Variants in DYTN observed in about 807,000 individuals in gnomAD.
DYTN encodes the protein dystrotelin.
DYTN carries 75 observed loss-of-function variants against 69.6 expected under a neutral mutation model. The ratio of observed to expected loss-of-function variants is 1.08; its 90% confidence interval spans 0.89 to 1.31. The LOEUF (loss-of-function observed/expected upper bound fraction) is 1.31. Ranked by LOEUF, DYTN falls within the 50% of genes most tolerant of loss-of-function variation. The probability of loss-of-function intolerance (pLI) is 0.00; values close to 1 mark genes in which losing one functional copy is unlikely to be tolerated. For missense variants in DYTN, 726 were observed against 688.4 expected (o/e 1.05, Z -0.61); for synonymous variants, 252 against 249.1 (o/e 1.01, Z -0.11).
At chr2:206,657,753 T>A (rs1269777212) in intron 11 of DYTN, among the ~76,000 whole-genome samples, 2 of 152,218 alleles carry the variant, frequency 1.3e-5, no homozygotes, top group African/African-American at 2.4e-5. Context: ...TCTTTCTACA[T>A]GATAAGTCAC....
chr2:206,666,674 T>C (rs992001044), intron 9 of DYTN, among the ~76,000 whole-genome samples: 1 of 152,058 alleles, frequency 6.6e-6, no homozygotes, highest in African/African-American at 2.4e-5. Context: ...GCTTCTCTTT[T>C]TGTCTAGTTG....
intron 7 of DYTN, 56 bp downstream of exon 7, chr2:206,699,671 C>G (rs1699955336): frequency 6.5e-7 from 1 of 1,537,936 alleles, no homozygotes; most frequent in African/African-American, 1.4e-5. Flanking sequence ...GATGCAGCTC[C>G]AACTGTAGAA....
chr2:206,683,015 G>A (rs1699767049), intron 9 of DYTN, among the ~76,000 whole-genome samples: 2 of 151,774 alleles, frequency 1.3e-5, no homozygotes, highest in African/African-American at 2.4e-5. Context: ...TCACATAATT[G>A]GCTAAAAGAT....
chr2:206,672,242 A>G (rs1381238005), intron 9 of DYTN, among the ~76,000 whole-genome samples: 1 of 146,602 alleles, frequency 6.8e-6, no homozygotes, highest in Non-Finnish European at 1.5e-5. Flanking sequence ...TGCATTTTTT[A>G]ATAAAAATAT....
chr2:206,655,247 AT>A (rs56068317), intron 11 of DYTN, among the ~76,000 whole-genome samples: 42,192 of 140,612 alleles, frequency 0.3, 5,777 homozygotes, highest in East Asian at 0.37. Flanking sequence ...TGATTGTGTG[AT>A]TTTTTTTTTT....
At chr2:206,667,834 C>A (rs1250429452) in intron 9 of DYTN, among the ~76,000 whole-genome samples, 1 of 151,908 alleles carries the variant, frequency 6.6e-6, no homozygotes, top group Admixed American at 6.6e-5. Flanking sequence ...CTGCTGTTAG[C>A]ATATTTGTGG....
At chr2:206,717,225 C>T (rs1247578810) in intron 1 of DYTN, among the ~76,000 whole-genome samples, 4 of 152,108 alleles carry the variant, frequency 2.6e-5, no homozygotes, top group African/African-American at 9.7e-5. Flanking sequence ...ATCTTTTGAC[C>T]AGGATTCTTG....
intron 11 of DYTN, among the ~76,000 whole-genome samples, chr2:206,660,884 A>G (rs1288633088): frequency 6.6e-6 from 1 of 152,156 alleles, no homozygotes; most frequent in African/African-American, 2.4e-5. Context: ...TAGCCCTCCA[A>G]CACTTATGGG....
intron 7 of DYTN, among the ~76,000 whole-genome samples, chr2:206,695,658 A>G (rs566755987): frequency 2.6e-5 from 4 of 152,348 alleles, no homozygotes; most frequent in Non-Finnish European, 5.9e-5. Context: ...GTCATCAGTT[A>G]GTAACTTTTA....
chr2:206,692,260 G>A (rs1361631271), intron 9 of DYTN, among the ~76,000 whole-genome samples: 2 of 139,820 alleles, frequency 1.4e-5, no homozygotes, highest in Non-Finnish European at 1.5e-5. Context: ...GTGAGATCTT[G>A]TCTCTAAAAA....
rs1276892732 is a variant in DYTN at position 206,707,428 on chromosome 2, A to C, written c.170T>G (p.Leu57Arg). ...TGCCTGAGAAAGTTGCTGCACAGAA[A>C]GGGAGTGCTTGCGAGCTTCCCAGAA... is the stretch of plus-strand genomic sequence containing the variant. ...PSFWEARKHSLSVQQLSQALQ... is the reference protein window; with the variant it reads ...PSFWEARKHSRSVQQLSQALQ... The change falls in exon 3 of 12, where the codon CTT becomes CGT. Residue 57 changes from leucine (L) to arginine (R), a missense_variant. Coordinates refer to ENST00000452335, the MANE Select transcript of DYTN (RefSeq NM_001093730.1). 2 of 1,613,302 alleles carry C rather than the reference A, an allele frequency of 1.2e-6. No individual in the cohort carries two copies. Among genetic ancestry groups the C allele is most frequent in the Non-Finnish European group, 1.7e-6 (2 of 1,179,676 alleles).
At chr2:206,664,742 G>A (rs184232462) in intron 10 of DYTN, among the ~76,000 whole-genome samples, 29 of 152,286 alleles carry the variant, frequency 1.9e-4, no homozygotes, top group Non-Finnish European at 3.7e-4. Context: ...ACCACTATGA[G>A]CTTGATAGCT....
At chr2:206,694,217 A>G (rs1699894891) in intron 8 of DYTN, among the ~76,000 whole-genome samples, 1 of 152,232 alleles carries the variant, frequency 6.6e-6, no homozygotes, top group Non-Finnish European at 1.5e-5. Flanking sequence ...AACTGAATTC[A>G]CTTGCTAGGT....
At chr2:206,662,531 A>G (rs1211509631) in intron 11 of DYTN, among the ~76,000 whole-genome samples, 1 of 152,064 alleles carries the variant, frequency 6.6e-6, no homozygotes, top group Non-Finnish European at 1.5e-5. Context: ...TCTCTTCTAG[A>G]AAGAGAGTTA....
In DYTN at chr2:206,705,795, T is replaced by G. The variant is rs749032405; in HGVS notation, c.375A>C (p.Lys125Asn). ...ITLSGDSPLS[K>N]YRALFQLYAE... ...CAGTCCTCTGCATGTTACCTCGGTA[T>G]TTTGAAAGAGGGCTGTCTCCTGAGA... Residue 125 changes from lysine to asparagine, a missense_variant, in exon 4 of 12, where the codon AAA (lysine) becomes AAC (asparagine). Lys to Asn is a moderately conservative substitution (Grantham distance 94). Transcript: ENST00000452335. The G allele has an allele frequency of 6.2e-7, 1 of 1,613,706 alleles. No homozygotes were observed. Among genetic ancestry groups the G allele is most frequent in the Non-Finnish European group, 8.5e-7 (1 of 1,179,798 alleles).
Position 206,696,414 on chromosome 2 carries a change from C to T in DYTN, c.720-1537G>A, listed in dbSNP as rs180934763. On this transcript the variant is annotated intron_variant, in intron 7 of 11. Coordinates refer to ENST00000452335, the MANE Select transcript of DYTN (RefSeq NM_001093730.1). Reference sequence around the variant, plus strand: ...TAAATACCTTGAGATCGCCCCTCAGCTACCCTTGTTTACTGCTGTACTTCC... The same window carrying T: ...TAAATACCTTGAGATCGCCCCTCAGTTACCCTTGTTTACTGCTGTACTTCC... Among the ~76,000 whole-genome samples the T allele has an allele frequency of 5.9e-5, 9 of 151,566 alleles. No individual in the cohort carries two copies. The East Asian group carries it at 1.3e-3, about 23-fold the overall frequency.
chr2:206,674,059 T>A (rs1208048746), intron 9 of DYTN, among the ~76,000 whole-genome samples: 1 of 152,200 alleles, frequency 6.6e-6, no homozygotes. Context: ...ACTTTTATCC[T>A]TACAAACATC....
intron 9 of DYTN, among the ~76,000 whole-genome samples, chr2:206,691,489 A>AAT (rs1159851972): frequency 6.6e-6 from 1 of 151,996 alleles, no homozygotes; most frequent in Non-Finnish European, 1.5e-5. Context: ...TCAAGTATCC[A>AAT]ATATATATAT....
At chr2:206,715,458 G>C (rs1700117963) in intron 1 of DYTN, among the ~76,000 whole-genome samples, 1 of 152,160 alleles carries the variant, frequency 6.6e-6, no homozygotes, top group Non-Finnish European at 1.5e-5. Context: ...TTGCTTGCTG[G>C]GAAGGGAAGT....
Sources: allele counts gnomAD v4.1 joint callset (sites outside exome capture counted in the v4.1 genomes callset), GRCh38; gene constraint gnomAD v4.1.1; transcripts MANE v1.5; gene names NCBI Gene and HGNC (gene_info 2026-07-23, HGNC 2026-07-21).